TRDN: variants seen among roughly 807,000 people sequenced by gnomAD.
TRDN encodes triadin, also known as triadin in skeletal muscle.
Under a neutral mutation model 149.7 loss-of-function variants are expected in TRDN, and 161 were observed. The ratio of observed to expected loss-of-function variants is 1.08; its 90% CI spans 0.95 to 1.23. The LOEUF (loss-of-function observed/expected upper bound fraction) is 1.23. TRDN is among the 50% of genes most tolerant of loss of function. The probability of loss-of-function intolerance (pLI) is 0.00; values close to 1 mark genes in which losing one functional copy is unlikely to be tolerated. For synonymous variants in TRDN, 294 were observed against 250.5 expected (o/e 1.17, Z -1.64); for missense variants, 896 against 823.5 (o/e 1.09, Z -1.08).
intron 1 of TRDN, among the ~76,000 whole-genome samples, chr6:123,636,047 G>T (rs1397737197): frequency 6.6e-6 from 1 of 151,748 alleles, no homozygotes; most frequent in African/African-American, 2.4e-5. Flanking sequence ...CCATTTAGAG[G>T]AAAATGAAGA....
intron 28 of TRDN, 138 bp from the exon 29 acceptor site, chr6:123,273,149 G>A: frequency 1.3e-6 from 1 of 746,460 alleles, no homozygotes; most frequent in South Asian, 2.5e-5. Context: ...AAAACTTAAA[G>A]GTTTTAGTTC....
intron 28 of TRDN, 85 bp from the exon 29 acceptor site, chr6:123,273,096 G>T: frequency 1.1e-6 from 1 of 888,856 alleles, no homozygotes; most frequent in Non-Finnish European, 1.7e-6. Context: ...TGCCCATAGA[G>T]AAAAAATATT....
intron 24 of TRDN, among the ~76,000 whole-genome samples, chr6:123,312,982 A>G: frequency 6.6e-6 from 1 of 152,052 alleles, no homozygotes; most frequent in Non-Finnish European, 1.5e-5. Context: ...ATAATAAAAA[A>G]TGCCTTAATG....
intron 16 of TRDN, 75 bp downstream of exon 16, chr6:123,381,295 G>T: frequency 7.2e-7 from 1 of 1,379,470 alleles, no homozygotes; most frequent in Non-Finnish European, 1.0e-6. Context: ...CAAAATTGCA[G>T]GTCTAAATAC....
intron 34 of TRDN, 37 bp from the exon 35 acceptor site, chr6:123,259,699 A>T (rs1000236596): frequency 4.1e-5 from 57 of 1,399,722 alleles, no homozygotes; most frequent in Non-Finnish European, 5.0e-5. Flanking sequence ...CCATCATTTT[A>T]AAAAACATGA....
chr6:123,419,334 A>T (rs1214762890), intron 12 of TRDN, among the ~76,000 whole-genome samples: 2 of 152,206 alleles, frequency 1.3e-5, no homozygotes, highest in African/African-American at 2.4e-5. Flanking sequence ...ATTAGTTTCC[A>T]TGATGGAGTT....
chr6:123,561,481 G>A (rs965901387), intron 2 of TRDN, among the ~76,000 whole-genome samples: 1 of 152,008 alleles, frequency 6.6e-6, no homozygotes, highest in Admixed American at 6.6e-5. Context: ...TTAGGCCCCA[G>A]TCTCATTCCA....
At chr6:123,233,831 A>G (rs1299611625) in intron 38 of TRDN, among the ~76,000 whole-genome samples, 1 of 152,088 alleles carries the variant, frequency 6.6e-6, no homozygotes, top group Non-Finnish European at 1.5e-5. Flanking sequence ...TAATAATTGT[A>G]TCCATTTTGA....
chr6:123,320,314 T>C (rs1779196228), intron 23 of TRDN, among the ~76,000 whole-genome samples: 1 of 151,778 alleles, frequency 6.6e-6, no homozygotes, highest in Non-Finnish European at 1.5e-5. Context: ...TGATATAATA[T>C]TAAATATTCA....
chr6:123,592,206 A>G (rs532573438), intron 1 of TRDN, among the ~76,000 whole-genome samples: 1 of 152,198 alleles, frequency 6.6e-6, no homozygotes, highest in Non-Finnish European at 1.5e-5. Flanking sequence ...GCTGATAGAA[A>G]CTGACTTTTA....
intron 32 of TRDN, among the ~76,000 whole-genome samples, chr6:123,267,005 G>A (rs904593828): frequency 1.4e-4 from 20 of 141,918 alleles, no homozygotes; most frequent in Non-Finnish European, 2.8e-4. Context: ...TACTCGGGAG[G>A]CTGAGGTAGG....
chr6:123,331,896 G>A lies in TRDN; in HGVS notation c.1454C>T (p.Ala485Val), dbSNP rs1001289198. Reference sequence around the variant, plus strand: ...AATATTACCTTTTTCCTTTAGGGAAGCTGGAACTTTCTCTTCTTTCCCTTT... The same window carrying A: ...AATATTACCTTTTTCCTTTAGGGAAACTGGAACTTTCTCTTCTTTCCCTTT... ...PIKGKEEKVP[A>V]SLKEKEPETK... Residue 485 changes from alanine to valine, a missense_variant, in exon 23 of 41, where the codon GCT (alanine) becomes GTT (valine). Physicochemically the swap from Ala to Val is moderately conservative, Grantham distance 64 (BLOSUM62 0). Coordinates refer to ENST00000334268, the MANE Select transcript of TRDN (RefSeq NM_006073.4). 1.3e-6 allele frequency: 2 copies of A among 1,547,172 alleles called. No homozygotes were observed. The highest frequency in any genetic ancestry group is 3.9e-5 in the Admixed American group (2 of 50,674).
chr6:123,605,902 A>C (rs1050002029), intron 1 of TRDN, among the ~76,000 whole-genome samples: 4 of 152,168 alleles, frequency 2.6e-5, no homozygotes, highest in Admixed American at 6.6e-5. Context: ...AGCATCACTG[A>C]GTAAAATTTT....
chr6:123,423,798 C>T (rs12195663), intron 12 of TRDN, among the ~76,000 whole-genome samples: 48,007 of 152,020 alleles, frequency 0.32, 7,882 homozygotes, highest in Admixed American at 0.37. Flanking sequence ...TTAGCTACCA[C>T]GTCAAGGATG....
chr6:123,464,421 C>T, intron 10 of TRDN: 1 of 960,522 alleles, frequency 1.0e-6, no homozygotes, highest in Non-Finnish European at 1.2e-6. Context: ...TCAATCCTCA[C>T]AATAACGCTA....
At position 123,585,141 on chromosome 6, in the gene TRDN, AG is replaced by A. The variant is rs1191157769; in HGVS notation, c.23-14010del. Reference sequence around the variant, plus strand: ...AGAGGTATCTTATACTTGTGGGTTAAGGTGGGGGAATACAAGAGGAGCACGC... The same window carrying A: ...AGAGGTATCTTATACTTGTGGGTTAAGTGGGGGAATACAAGAGGAGCACGC... On this transcript the variant is annotated intron_variant, in intron 1 of 40. Coordinates refer to ENST00000334268, the MANE Select transcript of TRDN (RefSeq NM_006073.4). 1.2e-3 allele frequency among the ~76,000 whole-genome samples: 160 copies of A among 133,458 alleles called. 2 individuals are homozygous for A. Among genetic ancestry groups the A allele is most frequent in the Middle Eastern group, 3.8e-3 (1 of 260 alleles). 87.6% of individuals were successfully genotyped at this position (133,458 alleles called of 152,430 possible). A position where few individuals can be genotyped will look rare whatever the true frequency, so the allele number is the denominator to read the frequency against.
At chr6:123,488,480 G>T (rs566114419) in intron 9 of TRDN, among the ~76,000 whole-genome samples, 1 of 151,882 alleles carries the variant, frequency 6.6e-6, no homozygotes, top group Admixed American at 6.6e-5. Context: ...CCTTCTTAAG[G>T]TATCCTTTTA....
intron 12 of TRDN, among the ~76,000 whole-genome samples, chr6:123,411,115 C>T (rs186273788): frequency 6.7e-6 from 1 of 148,646 alleles, no homozygotes; most frequent in Non-Finnish European, 1.5e-5. Context: ...GGTGGGATAT[C>T]GGCTCACTGC....
intron 23 of TRDN, among the ~76,000 whole-genome samples, chr6:123,321,003 A>G (rs1779222970): frequency 1.3e-5 from 2 of 152,146 alleles, no homozygotes; most frequent in Admixed American, 1.3e-4. Context: ...AAAGCGGGTC[A>G]CAAAACCTAC....
Sources: allele counts gnomAD v4.1 joint callset (sites outside exome capture counted in the v4.1 genomes callset), GRCh38; gene constraint gnomAD v4.1.1; transcripts MANE v1.5; gene names NCBI Gene and HGNC (gene_info 2026-07-23, HGNC 2026-07-21).